The following EVI5L variants were observed in gnomAD, a reference collection of about 807,000 sequenced individuals.
EVI5L encodes the protein EVI5-like protein.
A neutral mutation model predicts 106.1 loss-of-function variants in EVI5L; 30 were observed. That is an observed-to-expected ratio of 0.28 (90% confidence interval 0.21 to 0.38). The LOEUF is 0.38. EVI5L is among the 10% of genes least tolerant of loss of function. The probability of loss-of-function intolerance (pLI) is 1.00; values close to 1 mark genes in which losing one functional copy is unlikely to be tolerated. For synonymous variants in EVI5L, 489 were observed against 483.3 expected, an observed-to-expected ratio of 1.01 and a Z score of -0.15; for missense variants, 809 against 1,098.0, an observed-to-expected ratio of 0.74 and a Z score of 3.72.
At chr19:7,843,288 C>T (rs1246444099) in intron 1 of EVI5L, among the ~76,000 whole-genome samples, 2 of 85,738 alleles carry the variant, frequency 2.3e-5, no homozygotes, top group Non-Finnish European at 4.5e-5. Flanking sequence ...GTGTGTGTGT[C>T]ATGTGTGCAT....
At chr19:7,844,894 C>A (rs1340299901) in intron 1 of EVI5L, among the ~76,000 whole-genome samples, 1 of 152,212 alleles carries the variant, frequency 6.6e-6, no homozygotes, top group African/African-American at 2.4e-5. Context: ...TCCCCCAACC[C>A]TATTCCAGGA....
At position 7,848,898 on chromosome 19, in the gene EVI5L, C is replaced by G; in HGVS notation, c.328-23C>G. ...GCTGCGCTGGGACCGAGTCCAGCCC[C>G]CGCTTCCCGCTCCCGTGGCCAGGAG... On this transcript the variant is annotated intron_variant, in intron 3 of 19. Transcript: ENST00000538904. The surrounding 1 kb of genome is among the most constrained non-coding windows in gnomAD (Gnocchi z 4.8). 6.3e-7 allele frequency: 1 copy of G among 1,599,472 alleles called. No individual in the cohort carries two copies. Among genetic ancestry groups the G allele is most frequent in the Non-Finnish European group, 8.5e-7 (1 of 1,170,180 alleles).
intron 8 of EVI5L, 98 bp downstream of exon 8, chr19:7,851,868 G>A: frequency 9.0e-7 from 1 of 1,105,110 alleles, no homozygotes; most frequent in Non-Finnish European, 1.2e-6. Context: ...CGGCTTCGAG[G>A]GTGGAAGGTG....
In EVI5L at chr19:7,850,135, G is replaced by T. The variant is rs377173331; in HGVS notation, c.753+13G>T. On this transcript the variant is annotated intron_variant, in intron 6 of 19. Transcript: ENST00000538904. The surrounding 1 kb of genome is among the most constrained non-coding windows in gnomAD (Gnocchi z 5.4). Reference sequence around the variant, plus strand: ...GTACATGCTGCAGGTGAGCAGGGCCGCAGGAGAGCAGGGCTGCAGGAGGGC... The same window carrying T: ...GTACATGCTGCAGGTGAGCAGGGCCTCAGGAGAGCAGGGCTGCAGGAGGGC... 28 of 1,595,436 alleles carry T rather than the reference G, an allele frequency of 1.8e-5. No individual in the cohort carries two copies. The highest frequency in any genetic ancestry group is 1.1e-4 in the South Asian group (10 of 88,208).
intron 14 of EVI5L, 38 bp from the exon 15 acceptor site, chr19:7,861,840 C>A (rs1191047675): frequency 6.5e-7 from 1 of 1,548,330 alleles, no homozygotes; most frequent in South Asian, 1.2e-5. Context: ...CATGCGGCTG[C>A]GCTGCTCCCC....
At chr19:7,855,495 G>A (rs936223222) in intron 10 of EVI5L, among the ~76,000 whole-genome samples, 10 of 152,234 alleles carry the variant, frequency 6.6e-5, no homozygotes, top group Non-Finnish European at 1.0e-4. Context: ...AAACCACTGG[G>A]GACAGGTTGC....
intron 10 of EVI5L, among the ~76,000 whole-genome samples, chr19:7,855,264 C>T (rs1044682899): frequency 5.3e-5 from 8 of 151,958 alleles, no homozygotes; most frequent in Admixed American, 3.9e-4. Flanking sequence ...TACAGGCATG[C>T]ACCACCACGC....
In EVI5L at chr19:7,846,687, G is replaced by A. The variant is rs200286053; in HGVS notation, c.137+8G>A. The stretch of plus-strand genomic sequence containing the variant: ...GCTCGAAGAGCAGAACCGGTGAGTT[G>A]GGGGCTGGGGGATGGGGTGAAATCT... On this transcript the variant is annotated splice_region_variant and intron_variant, in intron 2 of 19. Coordinates refer to ENST00000538904, the MANE Select transcript of EVI5L (RefSeq NM_001159944.3). The A allele has an allele frequency of 2.9e-5, 46 of 1,610,040 alleles. No homozygotes were observed. The highest frequency in any genetic ancestry group is 2.5e-4 in the Admixed American group (15 of 59,138).
At position 7,862,206 on chromosome 19, in the gene EVI5L, C is replaced by A; in HGVS notation, c.1729C>A (p.Arg577Ser). 2 of 1,573,874 alleles carry A rather than the reference C, an allele frequency of 1.3e-6. No homozygotes were observed. Among genetic ancestry groups the A allele is most frequent in the African/African-American group, 1.3e-5 (1 of 74,504 alleles). ...GCTGCAGGACGAGCTGATGAGCGTGCGTCTGCGCGAGGCCCAGGCCCTGGC... is the reference window on the plus strand; with the variant it reads ...GCTGCAGGACGAGCTGATGAGCGTGAGTCTGCGCGAGGCCCAGGCCCTGGC... ...GELQDELMSVRLREAQALAEG... is the reference protein window; with the variant it reads ...GELQDELMSVSLREAQALAEG... The change falls in exon 16 of 20, where the codon CGT becomes AGT. Residue 577 changes from arginine (R) to serine (S), a missense_variant. By Grantham distance (110) the Arg-to-Ser change is moderately radical. This residue lies in a region of EVI5L where 452 missense variants were observed against 509.9 expected (regional missense o/e 0.89). Transcript: ENST00000538904.
rs1005726288 is a variant in EVI5L at position 7,850,910 on chromosome 19, C to T, written c.754-524C>T. Among the ~76,000 whole-genome samples the T allele has an allele frequency of 6.6e-6, 1 of 152,234 alleles. No individual in the cohort carries two copies. Among genetic ancestry groups the T allele is most frequent in the Middle Eastern group, 3.2e-3 (1 of 316 alleles). ...CTTCTCCGGCCTCAGTTTCCCCAGC[C>T]GTCTGCCACTTTCTGGCTGTCTAGA... On this transcript the variant is annotated intron_variant, in intron 6 of 19. Coordinates refer to ENST00000538904, the MANE Select transcript of EVI5L (RefSeq NM_001159944.3). The surrounding 1 kb of genome is among the most constrained non-coding windows in gnomAD (Gnocchi z 5.4).
intron 8 of EVI5L, chr19:7,852,797 C>T: frequency 2.6e-6 from 1 of 379,484 alleles, no homozygotes; most frequent in Non-Finnish European, 4.9e-6. Flanking sequence ...ATTTATTTCT[C>T]CCACCTCAGG....
rs1406186212 is a variant in EVI5L at position 7,848,435 on chromosome 19, A to G, written c.328-486A>G. On this transcript the variant is annotated intron_variant, in intron 3 of 19. Transcript: ENST00000538904. This position sits in a 1 kb window ranked among gnomAD's most constrained non-coding sequence, Gnocchi z 4.8. ...AACATGGCGAAACTCCGACTCTACT[A>G]AAAATACAAAAATTAGCTGGGCGTG... Among the ~76,000 whole-genome samples, 3 of 152,100 alleles carry G rather than the reference A, an allele frequency of 2.0e-5. No homozygotes were observed. Among genetic ancestry groups the G allele is most frequent in the Admixed American group, 6.5e-5 (1 of 15,278 alleles).
In EVI5L at chr19:7,857,911, G is replaced by A; in HGVS notation, c.1234-280G>A. On this transcript the variant is annotated intron_variant, in intron 12 of 19. Coordinates refer to ENST00000538904, the MANE Select transcript of EVI5L (RefSeq NM_001159944.3). This position sits in a 1 kb window ranked among gnomAD's most constrained non-coding sequence, Gnocchi z 4.5. ...CCCCTGGATAAGGATCCCAACTGGGGCAGAGACTGAGAGCCAGAGTGGGGA... is the reference window on the plus strand; with the variant it reads ...CCCCTGGATAAGGATCCCAACTGGGACAGAGACTGAGAGCCAGAGTGGGGA... 2.3e-6 allele frequency: 1 copy of A among 437,666 alleles called. No homozygotes were observed. The highest frequency in any genetic ancestry group is 4.2e-6 in the Non-Finnish European group (1 of 240,556). 27.1% of individuals were successfully genotyped at this position (437,666 alleles called of 1,614,324 possible). A position where few individuals can be genotyped will look rare whatever the true frequency, so the allele number is the denominator to read the frequency against.
chr19:7,859,750 G>A (rs1256605858), intron 13 of EVI5L, among the ~76,000 whole-genome samples: 3 of 152,334 alleles, frequency 2.0e-5, no homozygotes, highest in Admixed American at 1.3e-4. Flanking sequence ...TGCAGAGATC[G>A]GGGAGGCCCA....
At position 7,861,913 on chromosome 19, in the gene EVI5L, G is replaced by A. The variant is rs947594796; in HGVS notation, c.1539G>A (p.Ala513=). 3.2e-6 allele frequency: 5 copies of A among 1,550,738 alleles called. No individual in the cohort carries two copies. Among genetic ancestry groups the A allele is most frequent in the African/African-American group, 2.7e-5 (2 of 73,088 alleles). The part of the protein sequence containing the change: ...NSSLPDENNV[A]QLQEELKALK... ...CGCTGCCCGACGAGAACAATGTGGC[G>A]CAGCTGCAGGAGGAGCTGAAGGCGC... Residue 513 remains alanine (A), a synonymous_variant, in exon 15 of 20, where the codon GCG becomes GCA. Coordinates refer to ENST00000538904, the MANE Select transcript of EVI5L (RefSeq NM_001159944.3).
chr19:7,852,718 AT>A (rs78343459), intron 8 of EVI5L: 112 of 213,054 alleles, frequency 5.3e-4, no homozygotes, highest in South Asian at 1.2e-3. Flanking sequence ...TGTCCAGCTA[AT>A]TTTTTTTTTT....
In EVI5L at chr19:7,854,824, CA is replaced by C. The variant is rs370262790; in HGVS notation, c.1147-1190del. Among the ~76,000 whole-genome samples, 23 of 152,304 alleles carry C rather than the reference CA, an allele frequency of 1.5e-4. 1 individual carries two copies. The highest frequency in any genetic ancestry group is 5.1e-4 in the African/African-American group (21 of 41,564). ...CTGCCCCACTCTGACTCAGTTTCCCCACATGACATGCATCAATGACTGTCAA... is the reference window on the plus strand; with the variant it reads ...CTGCCCCACTCTGACTCAGTTTCCCCCATGACATGCATCAATGACTGTCAA... On this transcript the variant is annotated intron_variant, in intron 10 of 19. Coordinates refer to ENST00000538904, the MANE Select transcript of EVI5L (RefSeq NM_001159944.3).
intron 7 of EVI5L, 40 bp downstream of exon 7, chr19:7,851,617 TG>T: frequency 6.3e-7 from 1 of 1,599,742 alleles, no homozygotes; most frequent in Admixed American, 1.7e-5. Context: ...GAGAGCCCCT[TG>T]GGGGTGGTTG....
intron 14 of EVI5L, among the ~76,000 whole-genome samples, chr19:7,861,365 C>T (rs1053318478): frequency 6.6e-6 from 1 of 152,216 alleles, no homozygotes; most frequent in African/African-American, 2.4e-5. Flanking sequence ...GACCCAAACA[C>T]GGGTCAGTGC....
Sources: allele counts gnomAD v4.1 joint callset (sites outside exome capture counted in the v4.1 genomes callset), GRCh38; gene constraint gnomAD v4.1.1; regional missense constraint gnomAD v4.1.1; non-coding constraint Gnocchi (gnomAD v3.1); transcripts MANE v1.5; gene names NCBI Gene and HGNC (gene_info 2026-07-23, HGNC 2026-07-21).